The following UNC5D variants were observed in gnomAD, a reference collection of about 807,000 sequenced individuals.
UNC5D encodes the protein netrin receptor UNC5D.
Under a neutral mutation model 105.4 loss-of-function variants are expected in UNC5D, and 39 were observed. That is an observed-to-expected ratio of 0.37 (90% CI 0.29 to 0.48). The LOEUF is 0.48. Among genes scored for constraint, UNC5D ranks in the 20% least tolerant of loss-of-function variants. UNC5D has a pLI of 0.98. For missense variants in UNC5D, 991 were observed against 1,202.4 expected (o/e 0.82, Z 2.60); for synonymous variants, 452 against 450.4 (o/e 1.00, Z -0.04).
chr8:35,787,849 G>A (rs1354044706), intron 16 of UNC5D, among the ~76,000 whole-genome samples: 1 of 151,970 alleles, frequency 6.6e-6, no homozygotes, highest in African/African-American at 2.4e-5. Flanking sequence ...TGAACTCCTG[G>A]CCTCAAGTGA....
intron 14 of UNC5D, among the ~76,000 whole-genome samples, chr8:35,760,063 G>T (rs1801451353): frequency 6.9e-6 from 1 of 145,486 alleles, no homozygotes; most frequent in South Asian, 2.2e-4. Context: ...TTTTTAAGAT[G>T]GAGTCTGTCT....
rs997268500 is a variant in UNC5D at position 35,600,811 on chromosome 8, C to T, written c.570+5154C>T. 9.1e-4 allele frequency among the ~76,000 whole-genome samples: 139 copies of T among 152,192 alleles called. 1 individual carries two copies. Among genetic ancestry groups the T allele is most frequent in the Non-Finnish European group, 2.9e-4 (20 of 68,018 alleles). ...AGAAGCTCTTTAGTTTAATTAGATC[C>T]CATTTGTCAATTTTGTCTTTTGTTG... is the stretch of plus-strand genomic sequence containing the variant. On this transcript the variant is annotated intron_variant, in intron 4 of 16. Transcript: ENST00000404895.
chr8:35,271,751 G>T (rs1230778475), intron 1 of UNC5D, among the ~76,000 whole-genome samples: 1 of 97,404 alleles, frequency 1.0e-5, no homozygotes, highest in Non-Finnish European at 2.2e-5. Context: ...ATTTATACAT[G>T]TATACATGTA....
chr8:35,494,247 G>A (rs1337274312), intron 1 of UNC5D, among the ~76,000 whole-genome samples: 1 of 152,088 alleles, frequency 6.6e-6, no homozygotes, highest in African/African-American at 2.4e-5. Flanking sequence ...ATCTGATTAA[G>A]TATTTGGTGT....
At chr8:35,612,723 C>CTTTTTTTTGT (rs1820766374) in intron 4 of UNC5D, among the ~76,000 whole-genome samples, 1 of 64,742 alleles carries the variant, frequency 1.5e-5, no homozygotes, top group Non-Finnish European at 2.6e-5. Flanking sequence ...AATGTTTTGC[C>CTTTTTTTTGT]TTTTTTTTTT....
intron 1 of UNC5D, among the ~76,000 whole-genome samples, chr8:35,450,003 C>T (rs1310384160): frequency 1.3e-5 from 2 of 152,152 alleles, no homozygotes; most frequent in Admixed American, 1.3e-4. Flanking sequence ...ATTATTTTGA[C>T]ACATGCTGAT....
intron 1 of UNC5D, among the ~76,000 whole-genome samples, chr8:35,445,864 T>A (rs1807750535): frequency 6.6e-6 from 1 of 152,140 alleles, no homozygotes; most frequent in African/African-American, 2.4e-5. Flanking sequence ...TGATCAAAAG[T>A]TACTTTAGAA....
At chr8:35,508,413 TC>T (rs1357240189) in intron 1 of UNC5D, among the ~76,000 whole-genome samples, 1 of 152,236 alleles carries the variant, frequency 6.6e-6, no homozygotes, top group Non-Finnish European at 1.5e-5. Flanking sequence ...TTATGAGAGA[TC>T]ACTGGGAGTT....
At chr8:35,657,080 G>GTGTGTATA (rs1281641556) in intron 4 of UNC5D, among the ~76,000 whole-genome samples, 89 of 46,486 alleles carry the variant, frequency 1.9e-3, no homozygotes, top group East Asian at 2.4e-3. Context: ...GTGTGTGTGT[G>GTGTGTATA]TATATATATA....
rs192233652 is a variant in UNC5D at position 35,686,781 on chromosome 8, C to T, written c.1084+72C>T. Reference sequence around the variant, plus strand: ...TTATGCATCTCAAGAAAGTAAGCTACAGCCATTAATGTGGTTAAATAAGTT... The same window carrying T: ...TTATGCATCTCAAGAAAGTAAGCTATAGCCATTAATGTGGTTAAATAAGTT... On this transcript the variant is annotated intron_variant, in intron 7 of 16. Transcript: ENST00000404895. The T allele has an allele frequency of 3.5e-4, 527 of 1,494,114 alleles. 3 individuals carry two copies. The African/African-American group carries it at 6.5e-3, about 18-fold the overall frequency. 92.6% of individuals were successfully genotyped at this position (1,494,114 alleles called of 1,614,324 possible).
chr8:35,608,823 C>T (rs1042635529), intron 4 of UNC5D, among the ~76,000 whole-genome samples: 1 of 151,846 alleles, frequency 6.6e-6, no homozygotes, highest in East Asian at 1.9e-4. Flanking sequence ...CATTGATGGA[C>T]ACTTAGATTT....
At chr8:35,657,080 G>GTGTGTATATATA (rs1281641556) in intron 4 of UNC5D, among the ~76,000 whole-genome samples, 32 of 46,510 alleles carry the variant, frequency 6.9e-4, no homozygotes, top group East Asian at 1.2e-3. Context: ...GTGTGTGTGT[G>GTGTGTATATATA]TATATATATA....
At chr8:35,474,613 C>T (rs1809957826) in intron 1 of UNC5D, among the ~76,000 whole-genome samples, 1 of 152,190 alleles carries the variant, frequency 6.6e-6, no homozygotes, top group Admixed American at 6.5e-5. Flanking sequence ...GGGGCTTTCT[C>T]TGCCTCAGCA....
intron 1 of UNC5D, among the ~76,000 whole-genome samples, chr8:35,540,830 T>C (rs1276926662): frequency 6.6e-6 from 1 of 152,196 alleles, no homozygotes; most frequent in Non-Finnish European, 1.5e-5. Context: ...TTTGTGGCCC[T>C]CTTGGGAAAT....
intron 1 of UNC5D, among the ~76,000 whole-genome samples, chr8:35,471,644 T>G (rs1007925180): frequency 6.6e-6 from 1 of 152,194 alleles, no homozygotes; most frequent in African/African-American, 2.4e-5. Context: ...TTCCTTGTGT[T>G]TTTTCTTTGT....
At chr8:35,255,958 G>T (rs1804047326) in intron 1 of UNC5D, 1 of 152,114 alleles carries the variant, frequency 6.6e-6, no homozygotes, top group African/African-American at 2.4e-5. Flanking sequence ...ATATTTCATA[G>T]CAGACTTCAA....
At chr8:35,251,548 G>A (rs1404790951) in intron 1 of UNC5D, among the ~76,000 whole-genome samples, 1 of 152,180 alleles carries the variant, frequency 6.6e-6, no homozygotes. Flanking sequence ...CCTTTTGGGA[G>A]CTAGCCTTTT....
chr8:35,782,124 G>T (rs1203285774), intron 16 of UNC5D, among the ~76,000 whole-genome samples: 1 of 152,154 alleles, frequency 6.6e-6, no homozygotes, highest in Non-Finnish European at 1.5e-5. Context: ...TAAAAATGCA[G>T]CACTGGCTTA....
chr8:35,363,555 G>C (rs1314676267), intron 1 of UNC5D, among the ~76,000 whole-genome samples: 1 of 152,074 alleles, frequency 6.6e-6, no homozygotes, highest in Non-Finnish European at 1.5e-5. Flanking sequence ...TATTTAGATT[G>C]TGCATTTTCA....
Sources: gnomAD v4.1 joint callset for allele counts (sites outside exome capture counted in the v4.1 genomes callset) on GRCh38, gnomAD v4.1.1 for gene constraint, MANE v1.5 for transcripts, NCBI Gene and HGNC (gene_info 2026-07-23, HGNC 2026-07-21) for gene names.